EIF2AK4: variants seen among roughly 807,000 people sequenced by gnomAD.
The protein encoded by EIF2AK4 is eukaryotic translation initiation factor 2 alpha kinase 4.
Under a neutral mutation model 211.1 loss-of-function variants are expected in EIF2AK4, and 139 were observed. The ratio of observed to expected loss-of-function variants is 0.66; its 90% CI spans 0.57 to 0.76. EIF2AK4 has a LOEUF of 0.76. Ranked by LOEUF, EIF2AK4 falls within the 30% of genes least tolerant of loss-of-function variation. The pLI is 0.00. For missense variants in EIF2AK4, 1,664 were observed against 2,043.8 expected, an observed-to-expected ratio of 0.81 and a Z score of 3.58; for synonymous variants, 710 against 751.3, an observed-to-expected ratio of 0.94 and a Z score of 0.90.
chr15:40,028,166 A>G (rs2035490613), intron 33 of EIF2AK4, among the ~76,000 whole-genome samples: 1 of 151,186 alleles, frequency 6.6e-6, no homozygotes, highest in South Asian at 2.1e-4. Flanking sequence ...TTAACCTCCC[A>G]GGCTCAGGTG....
chr15:40,020,826 C>T, intron 30 of EIF2AK4, 73 bp from the exon 31 acceptor site: 2 of 1,409,660 alleles, frequency 1.4e-6, no homozygotes, highest in South Asian at 1.5e-5. Context: ...GCTGCCTCCC[C>T]TCCTGATGCT....
chr15:39,993,202 G>GTCCA (rs1427850574), intron 18 of EIF2AK4, among the ~76,000 whole-genome samples: 6 of 146,268 alleles, frequency 4.1e-5, no homozygotes, highest in South Asian at 2.2e-4. Context: ...CCGTCCGTCC[G>GTCCA]TCCATCCATC....
intron 3 of EIF2AK4, among the ~76,000 whole-genome samples, chr15:39,947,076 CTAGCAT>C (rs1217350470): frequency 2.0e-5 from 3 of 152,224 alleles, no homozygotes; most frequent in Admixed American, 6.5e-5. Flanking sequence ...GCCGCCTGTG[CTAGCAT>C]TCATCTGAGT....
intron 26 of EIF2AK4, 122 bp from the exon 27 acceptor site, chr15:40,011,159 T>C (rs928280955): frequency 4.2e-6 from 3 of 720,630 alleles, no homozygotes; most frequent in East Asian, 2.7e-5. Flanking sequence ...CAATCTATCC[T>C]GTACCATTAG....
At chr15:40,020,797 T>G in intron 30 of EIF2AK4, 102 bp from the exon 31 acceptor site, 1 of 1,000,060 alleles carries the variant, frequency 1.0e-6, no homozygotes, top group Non-Finnish European at 1.4e-6. Flanking sequence ...ATTTCAAGAA[T>G]GCCCATCTTC....
intron 4 of EIF2AK4, 140 bp from the exon 5 acceptor site, chr15:39,953,764 C>A: frequency 1.3e-6 from 1 of 788,564 alleles, no homozygotes; most frequent in Non-Finnish European, 2.0e-6. Flanking sequence ...GCAGTTTGTA[C>A]TAAGATGCTG....
rs773601726 is a variant in EIF2AK4 at position 40,030,408 on chromosome 15, A to G, written c.4611A>G (p.Leu1537=). The G allele has an allele frequency of 6.2e-6, 10 of 1,614,106 alleles. No homozygotes were observed. Among genetic ancestry groups the G allele is most frequent in the South Asian group, 1.1e-5 (1 of 91,062 alleles). The change falls in exon 35 of 39, where the codon CTA becomes CTG. Residue 1537 remains leucine, a synonymous_variant. Coordinates refer to ENST00000263791, the MANE Select transcript of EIF2AK4 (RefSeq NM_001013703.4). ...CAGTGGTTCCCATTGTGAGTGTGCT[A>G]GCCCCGGAGAAGCTGTCAGCCAGCA... is the stretch of plus-strand genomic sequence containing the variant. ...GATVVPIVSV[L]APEKLSASTR... is the part of the protein sequence containing the mutation.
chr15:40,033,821 G>A lies in EIF2AK4; in HGVS notation c.4774-505G>A, dbSNP rs138200902. Among the ~76,000 whole-genome samples the A allele has an allele frequency of 3.1e-3, 474 of 152,246 alleles. 9 individuals carry two copies. Among genetic ancestry groups the A allele is most frequent in the East Asian group, 0.026 (137 of 5,182 alleles). ...GTGGGTGGATCACCTGAGGTCTGGG[G>A]TTTGAGACCAGCCTGGCCAACATGG... On this transcript the variant is annotated intron_variant, in intron 37 of 38. Coordinates refer to ENST00000263791, the MANE Select transcript of EIF2AK4 (RefSeq NM_001013703.4).
At chr15:39,955,008 A>G (rs1175153749) in intron 5 of EIF2AK4, among the ~76,000 whole-genome samples, 1 of 152,136 alleles carries the variant, frequency 6.6e-6, no homozygotes, top group African/African-American at 2.4e-5. Context: ...AATTACCTCC[A>G]CAGATAAGTG....
At chr15:40,030,106 C>T (rs1020901651) in intron 34 of EIF2AK4, among the ~76,000 whole-genome samples, 2 of 152,104 alleles carry the variant, frequency 1.3e-5, no homozygotes, top group Admixed American at 6.6e-5. Context: ...ACTCCTGTTG[C>T]CTCCCTGCCC....
At chr15:40,006,914 A>G (rs2035169620) in intron 23 of EIF2AK4, 102 bp from the exon 24 acceptor site, 3 of 845,728 alleles carry the variant, frequency 3.5e-6, no homozygotes, top group Non-Finnish European at 3.8e-6. Context: ...TACATACTTT[A>G]AAGGGGTGAA....
intron 19 of EIF2AK4, among the ~76,000 whole-genome samples, chr15:39,997,669 C>T (rs1021215347): frequency 9.2e-5 from 14 of 151,998 alleles, no homozygotes; most frequent in Admixed American, 2.0e-4. Flanking sequence ...AAAACGGGTC[C>T]GAAAAAAATA....
At chr15:40,001,322 T>A in intron 21 of EIF2AK4, 98 bp downstream of exon 21, 7 of 1,222,490 alleles carry the variant, frequency 5.7e-6, no homozygotes, top group Non-Finnish European at 8.1e-6. Flanking sequence ...TAACATAAGT[T>A]CTTATGTGAG....
chr15:40,023,271 A>C (rs183202992), intron 32 of EIF2AK4, among the ~76,000 whole-genome samples: 36 of 152,246 alleles, frequency 2.4e-4, no homozygotes, highest in Non-Finnish European at 4.7e-4. Flanking sequence ...GTGTTCATAA[A>C]TATACCACCT....
chr15:39,978,352 C>T (rs2034730438), intron 13 of EIF2AK4: 1 of 307,544 alleles, frequency 3.3e-6, no homozygotes, highest in Non-Finnish European at 5.9e-6. Context: ...TAAAACATAC[C>T]TCCTTTTAGA....
chr15:40,033,435 C>T (rs542465725), intron 37 of EIF2AK4, among the ~76,000 whole-genome samples: 38 of 152,030 alleles, frequency 2.5e-4, no homozygotes, highest in African/African-American at 8.7e-4. Flanking sequence ...ATCAAATAGC[C>T]TAAATAAGAA....
intron 13 of EIF2AK4, among the ~76,000 whole-genome samples, chr15:39,980,368 G>A (rs1164295831): frequency 1.3e-5 from 2 of 152,090 alleles, no homozygotes; most frequent in African/African-American, 4.8e-5. Context: ...GTACATAAAA[G>A]TACATCATCA....
chr15:39,961,238 C>A (rs1280468751), intron 6 of EIF2AK4, among the ~76,000 whole-genome samples: 2 of 152,194 alleles, frequency 1.3e-5, no homozygotes, highest in African/African-American at 2.4e-5. Context: ...GCTGGAGGCC[C>A]AGTTGGAAAC....
intron 13 of EIF2AK4, among the ~76,000 whole-genome samples, chr15:39,982,233 A>G (rs1420261976): frequency 6.6e-6 from 1 of 152,078 alleles, no homozygotes; most frequent in East Asian, 1.9e-4. Flanking sequence ...CATCACTTTT[A>G]AATTGTTTTA....
Sources: gnomAD v4.1 joint callset for allele counts (sites outside exome capture counted in the v4.1 genomes callset) on GRCh38, gnomAD v4.1.1 for gene constraint, MANE v1.5 for transcripts, NCBI Gene and HGNC (gene_info 2026-07-23, HGNC 2026-07-21) for gene names.